Variants in PARG observed in about 807,000 individuals in gnomAD.
PARG encodes the protein mitochondrial poly(ADP-ribose) glycohydrolase.
In PARG, 35 loss-of-function variants were observed where a neutral mutation model predicts 113.0. The ratio of observed to expected loss-of-function variants is 0.31; its 90% CI spans 0.24 to 0.41. The LOEUF (loss-of-function observed/expected upper bound fraction) is 0.41. Ranked by LOEUF, PARG falls within the 10% of genes least tolerant of loss-of-function variation. The pLI, the probability that PARG is intolerant of heterozygous loss-of-function variation, is 1.00. For missense variants in PARG, 797 were observed against 1,169.4 expected (o/e 0.68, Z 4.64); for synonymous variants, 330 against 409.9 (o/e 0.81, Z 2.36).
intron 13 of PARG, among the ~76,000 whole-genome samples, chr10:49,844,202 A>G (rs1447184523): frequency 1.3e-5 from 2 of 152,162 alleles, no homozygotes; most frequent in Admixed American, 6.5e-5. Context: ...AAAGCATATA[A>G]GTAAACTTAG....
intron 16 of PARG, among the ~76,000 whole-genome samples, chr10:49,823,912 T>G (rs1026537871): frequency 6.6e-6 from 1 of 152,222 alleles, no homozygotes; most frequent in Non-Finnish European, 1.5e-5. Flanking sequence ...ATTACATTCT[T>G]GATTTCACAC....
chr10:49,941,420 A>G, intron 1 of PARG, 89 bp downstream of exon 1: 3 of 1,012,164 alleles, frequency 3.0e-6, no homozygotes, highest in Non-Finnish European at 4.6e-6. Context: ...CAAGACCAGA[A>G]AGGAGTGACT....
intron 13 of PARG, among the ~76,000 whole-genome samples, chr10:49,855,648 AT>A (rs1845949198): frequency 6.9e-6 from 1 of 144,948 alleles, no homozygotes; most frequent in African/African-American, 2.6e-5. Flanking sequence ...TGGCTTCAAG[AT>A]TAGACTTTGG....
chr10:49,831,287 G>A (rs1247296320), intron 16 of PARG, among the ~76,000 whole-genome samples: 1 of 152,076 alleles, frequency 6.6e-6, no homozygotes, highest in Non-Finnish European at 1.5e-5. Context: ...TACTGATGAG[G>A]GGAAAGGCAG....
At chr10:49,829,468 T>C (rs1844546256) in intron 16 of PARG, among the ~76,000 whole-genome samples, 1 of 151,932 alleles carries the variant, frequency 6.6e-6, no homozygotes, top group African/African-American at 2.4e-5. Context: ...TTACCCACCA[T>C]GAACATTTTT....
chr10:49,821,888 A>G (rs1201902734), intron 16 of PARG, among the ~76,000 whole-genome samples: 2 of 152,220 alleles, frequency 1.3e-5, no homozygotes, highest in Non-Finnish European at 2.9e-5. Context: ...GAAAGAACCC[A>G]AGTAACTTAC....
At chr10:49,915,522 A>C (rs1554847348) in intron 7 of PARG, among the ~76,000 whole-genome samples, 6 of 152,130 alleles carry the variant, frequency 3.9e-5, no homozygotes, top group Non-Finnish European at 4.4e-5. Flanking sequence ...ATTTCTGGAA[A>C]TCACCTAAAG....
intron 16 of PARG, among the ~76,000 whole-genome samples, chr10:49,827,425 T>C (rs1554829562): frequency 6.6e-6 from 1 of 152,208 alleles, no homozygotes; most frequent in African/African-American, 2.4e-5. Flanking sequence ...AGGTAACATA[T>C]ACGGGGAAGT....
At chr10:49,873,357 C>T (rs1377291175) in intron 9 of PARG, among the ~76,000 whole-genome samples, 1 of 121,150 alleles carries the variant, frequency 8.3e-6, no homozygotes, top group Non-Finnish European at 1.7e-5. Flanking sequence ...ATCAGCTTAA[C>T]AAATGGCTCA....
chr10:49,830,025 T>C (rs1554830053), intron 16 of PARG, among the ~76,000 whole-genome samples: 1 of 152,156 alleles, frequency 6.6e-6, no homozygotes, highest in Non-Finnish European at 1.5e-5. Context: ...GGGAGGGAAA[T>C]GTCAGTTACT....
At chr10:49,864,365 C>T (rs1227246260) in intron 11 of PARG, among the ~76,000 whole-genome samples, 2 of 151,920 alleles carry the variant, frequency 1.3e-5, no homozygotes, top group African/African-American at 4.8e-5. Context: ...ATTTCTTTAT[C>T]TTTCACTTCA....
intron 8 of PARG, among the ~76,000 whole-genome samples, chr10:49,883,616 TG>T (rs1205796046): frequency 6.7e-6 from 1 of 149,954 alleles, no homozygotes; most frequent in African/African-American, 2.5e-5. Context: ...CTGGCCAAAA[TG>T]GTGAAACTCC....
At chr10:49,925,665 G>C (rs1838114597) in intron 4 of PARG, among the ~76,000 whole-genome samples, 1 of 152,148 alleles carries the variant, frequency 6.6e-6, no homozygotes, top group East Asian at 1.9e-4. Context: ...TCCTTAAAAA[G>C]GGAAGAACTA....
intron 16 of PARG, among the ~76,000 whole-genome samples, chr10:49,822,021 G>A (rs1844114340): frequency 6.6e-6 from 1 of 152,120 alleles, no homozygotes; most frequent in African/African-American, 2.4e-5. Flanking sequence ...AGTAGTAGAG[G>A]TGAAGCAACT....
chr10:49,920,995 G>T (rs1181792599), intron 6 of PARG, among the ~76,000 whole-genome samples: 6 of 152,148 alleles, frequency 3.9e-5, no homozygotes, highest in Middle Eastern at 3.2e-3. Context: ...AGAGCAGACT[G>T]CTCTCAGCTT....
chr10:49,897,570 A>C (rs1420705669), intron 7 of PARG, among the ~76,000 whole-genome samples: 1 of 152,256 alleles, frequency 6.6e-6, no homozygotes, highest in Admixed American at 6.5e-5. Context: ...TAAGCATAGT[A>C]TTTAGTGCTC....
intron 13 of PARG, among the ~76,000 whole-genome samples, chr10:49,845,097 A>C (rs368659018): frequency 6.2e-4 from 95 of 152,356 alleles, no homozygotes; most frequent in African/African-American, 2.2e-3. Flanking sequence ...CAAAAGAATA[A>C]AAACGAATGA....
At chr10:49,879,114 TTTTG>T (rs1245943000) in intron 9 of PARG, among the ~76,000 whole-genome samples, 2 of 152,164 alleles carry the variant, frequency 1.3e-5, no homozygotes, top group African/African-American at 2.4e-5. Flanking sequence ...TTGAACATTC[TTTTG>T]TTTTTCTTTT....
At chr10:49,921,599 C>T (rs3954101) in intron 6 of PARG, among the ~76,000 whole-genome samples, 147,651 of 151,968 alleles carry the variant, frequency 0.97, 71,878 homozygotes, top group East Asian at 1. Flanking sequence ...CAGTAGAAAA[C>T]ATTAAGAAAG....
Sources: gnomAD v4.1 joint callset for allele counts (sites outside exome capture counted in the v4.1 genomes callset) on GRCh38, gnomAD v4.1.1 for gene constraint, MANE v1.5 for transcripts, NCBI Gene and HGNC (gene_info 2026-07-23, HGNC 2026-07-21) for gene names.